The following ZC4H2 variants were observed in gnomAD, a reference collection of about 807,000 sequenced individuals.
ZC4H2 encodes zinc finger C4H2-type containing.
For synonymous variants in ZC4H2, 84 were observed against 66.3 expected (o/e 1.27, Z -1.30); for missense variants, 137 against 173.9 (o/e 0.79, Z 1.19).
chrX:64,932,776 A>C (rs1929817072), intron 1 of ZC4H2, among the ~76,000 whole-genome samples: 1 of 111,059 alleles, frequency 9.0e-6, no homozygotes, highest in Non-Finnish European at 1.9e-5. Flanking sequence ...TTTATCTCAC[A>C]GCTCTTAAAA....
At chrX:64,948,725 T>G (rs1930656279) in intron 1 of ZC4H2, among the ~76,000 whole-genome samples, 1 of 111,956 alleles carries the variant, frequency 8.9e-6, no homozygotes, top group Non-Finnish European at 1.9e-5. Flanking sequence ...CATTATAACA[T>G]GTATTTGAGA....
chrX:65,000,777 C>T lies in ZC4H2; in HGVS notation c.-272+33852G>A, dbSNP rs187793368. ...GGAGATGAAAAACACAGCACGAGAA[C>T]TTCGTGAAACATACACAGGTATCAA... On this transcript the variant is annotated intron_variant, in intron 1 of 4. Coordinates refer to the ZC4H2 transcript ENST00000337990. 4.1e-3 allele frequency among the ~76,000 whole-genome samples: 460 copies of T among 111,935 alleles called. 6 individuals are homozygous for T. In the Middle Eastern group the frequency reaches 0.073, roughly 18 times the overall value.
At chrX:64,937,727 G>A (rs1051732782) in intron 1 of ZC4H2, among the ~76,000 whole-genome samples, 7 of 111,472 alleles carry the variant, frequency 6.3e-5, no homozygotes, top group Non-Finnish European at 9.4e-5. Flanking sequence ...GATGTTCTTC[G>A]AAACCAATGA....
intron 1 of ZC4H2, chrX:64,965,430 A>T (rs1931552340): frequency 9.6e-6 from 3 of 313,893 alleles, no homozygotes; most frequent in Non-Finnish European, 1.8e-5. Context: ...ATCCAAATGC[A>T]AAAGAAAATC....
At chrX:64,965,949 C>CAAAAAAAAAAAA (rs148777993) in intron 1 of ZC4H2, among the ~76,000 whole-genome samples, 27 of 37,523 alleles carry the variant, frequency 7.2e-4, no homozygotes, top group African/African-American at 2.4e-3. Context: ...AACAAAGAAG[C>CAAAAAAAAAAAA]AAAAAAAAAA....
At chrX:64,968,272 TAA>T (rs1272767000) in intron 1 of ZC4H2, among the ~76,000 whole-genome samples, 1 of 111,715 alleles carries the variant, frequency 9.0e-6, no homozygotes, top group Non-Finnish European at 1.9e-5. Flanking sequence ...CTGAGAGAAG[TAA>T]AGTGACTTGC....
At chrX:65,015,968 G>A (rs774390038) in intron 1 of ZC4H2, among the ~76,000 whole-genome samples, 5 of 110,595 alleles carry the variant, frequency 4.5e-5, no homozygotes, top group Non-Finnish European at 9.4e-5. Flanking sequence ...CTACTAGCTT[G>A]CTTACCCCAA....
chrX:65,014,202 T>C lies in ZC4H2; in HGVS notation c.-272+20427A>G, dbSNP rs1487100383. Among the ~76,000 whole-genome samples, 4 of 111,275 alleles carry C rather than the reference T, an allele frequency of 3.6e-5. No individual in the cohort carries two copies. The Admixed American group carries it at 3.8e-4, about 11-fold the overall frequency. The stretch of plus-strand genomic sequence containing the variant: ...CATGACAGAAAATAATACTTGTATG[T>C]ATAGCACACCGGAGGTAAACAACAG... On this transcript the variant is annotated intron_variant, in intron 1 of 4. Coordinates refer to the ZC4H2 transcript ENST00000337990.
At chrX:64,976,809 G>T (rs368766320), upstream of ZC4H2, among the ~76,000 whole-genome samples, 8 of 110,559 alleles carry the variant, frequency 7.2e-5, no homozygotes, top group African/African-American at 2.3e-4. Context: ...AAAGATTAGC[G>T]GTAGTCGCTA....
At chrX:64,927,099 T>A (rs991625959) in intron 1 of ZC4H2, among the ~76,000 whole-genome samples, 1 of 111,678 alleles carries the variant, frequency 9.0e-6, no homozygotes, top group African/African-American at 3.3e-5. Context: ...AGTATTTAAA[T>A]TTTTTTTAAA....
intron 1 of ZC4H2, among the ~76,000 whole-genome samples, chrX:64,950,699 G>C (rs111786730): frequency 0.024 from 2,661 of 110,574 alleles, 80 homozygotes; most frequent in African/African-American, 0.081. Flanking sequence ...CCATTTGCTT[G>C]GTAGATCTTC....
At chrX:64,918,177 C>T (rs959983649) in intron 4 of ZC4H2, 19 of 235,014 alleles carry the variant, frequency 8.1e-5, no homozygotes, top group African/African-American at 4.8e-4. Flanking sequence ...CATTGTCTAA[C>T]AGGCCCACTT....
chrX:64,933,476 G>T (rs1929847323), intron 1 of ZC4H2, among the ~76,000 whole-genome samples: 1 of 111,059 alleles, frequency 9.0e-6, no homozygotes, highest in East Asian at 2.8e-4. Flanking sequence ...TTCTCATTTG[G>T]GTAGACTAAT....
At chrX:64,946,953 T>A (rs1441387596) in intron 1 of ZC4H2, among the ~76,000 whole-genome samples, 1 of 111,609 alleles carries the variant, frequency 9.0e-6, no homozygotes, top group Non-Finnish European at 1.9e-5. Context: ...TTTTAAGGCA[T>A]CTCTTCTGTT....
At chrX:64,936,691 A>G (rs766341307) in intron 1 of ZC4H2, among the ~76,000 whole-genome samples, 2 of 111,714 alleles carry the variant, frequency 1.8e-5, no homozygotes, top group Admixed American at 1.9e-4. Flanking sequence ...TAAGTGAAGG[A>G]GAAAAAAAAT....
At chrX:64,941,301 A>C (rs1277029313) in intron 1 of ZC4H2, among the ~76,000 whole-genome samples, 2 of 111,930 alleles carry the variant, frequency 1.8e-5, no homozygotes, top group Non-Finnish European at 3.8e-5. Context: ...GGGCTGAGAC[A>C]ATGGGGTTTT....
intron 1 of ZC4H2, among the ~76,000 whole-genome samples, chrX:64,964,676 C>A (rs1391260480): frequency 9.0e-6 from 1 of 111,374 alleles, no homozygotes; most frequent in Non-Finnish European, 1.9e-5. Context: ...GGGAGTCCTT[C>A]AAGCAAAAGG....
chrX:64,944,656 A>G (rs1930448352), intron 1 of ZC4H2, among the ~76,000 whole-genome samples: 1 of 111,489 alleles, frequency 9.0e-6, no homozygotes, highest in Non-Finnish European at 1.9e-5. Context: ...TCTTCTGGAT[A>G]ATATCCTGAA....
chrX:64,998,529 A>G (rs1056349097), intron 1 of ZC4H2, among the ~76,000 whole-genome samples: 1 of 112,145 alleles, frequency 8.9e-6, no homozygotes, highest in East Asian at 2.8e-4. Flanking sequence ...AGAGTGGCTA[A>G]ATTTGTGGCC....
Sources: gnomAD v4.1 joint callset for allele counts (sites outside exome capture counted in the v4.1 genomes callset) on GRCh38, gnomAD v4.1.1 for gene constraint, MANE v1.5 for transcripts, NCBI Gene and HGNC (gene_info 2026-07-23, HGNC 2026-07-21) for gene names.